CPS1: variants seen among roughly 807,000 people sequenced by gnomAD.
The protein encoded by CPS1 is carbamoyl-phosphate synthase [ammonia], mitochondrial.
A neutral mutation model predicts 174.6 loss-of-function variants in CPS1; 109 were observed. The ratio of observed to expected loss-of-function variants is 0.62; its 90% CI spans 0.53 to 0.73. The LOEUF (loss-of-function observed/expected upper bound fraction) is 0.73, where lower values mean the gene tolerates loss of function less well. CPS1 is among the 30% of genes least tolerant of loss of function. The pLI is 0.00. For synonymous variants in CPS1, 637 were observed against 632.0 expected (o/e 1.01, Z -0.12); for missense variants, 1,689 against 1,821.9 (o/e 0.93, Z 1.33).
intron 1 of CPS1, among the ~76,000 whole-genome samples, chr2:210,501,840 A>G (rs1215736980): frequency 6.6e-6 from 1 of 152,124 alleles, no homozygotes; most frequent in Non-Finnish European, 1.5e-5. Context: ...CCACATTTTC[A>G]GCTATCTTTA....
intron 7 of CPS1, 71 bp downstream of exon 7, chr2:210,588,218 G>A (rs1698170438): frequency 7.5e-7 from 1 of 1,339,446 alleles, no homozygotes; most frequent in Admixed American, 1.7e-5. Flanking sequence ...AATTTCCTCT[G>A]TCACAGAGAA....
At chr2:210,560,913 G>A (rs943411818) in intron 1 of CPS1, among the ~76,000 whole-genome samples, 2 of 152,036 alleles carry the variant, frequency 1.3e-5, no homozygotes, top group Non-Finnish European at 2.9e-5. Context: ...ATTTTAGGAC[G>A]GATTTCATCT....
At chr2:210,488,893 G>A (rs1467162964) in intron 1 of CPS1, among the ~76,000 whole-genome samples, 1 of 151,898 alleles carries the variant, frequency 6.6e-6, no homozygotes, top group Non-Finnish European at 1.5e-5. Flanking sequence ...AAAATCCTAA[G>A]TAAGTTTACT....
chr2:210,602,153 G>A, intron 15 of CPS1, 49 bp from the exon 16 acceptor site: 1 of 1,608,210 alleles, frequency 6.2e-7, no homozygotes, highest in Admixed American at 1.7e-5. Context: ...GGTCTGTTCT[G>A]CCAGTGTGCT....
intron 13 of CPS1, among the ~76,000 whole-genome samples, chr2:210,596,291 G>A (rs1698479672): frequency 6.6e-6 from 1 of 151,804 alleles, no homozygotes; most frequent in South Asian, 2.1e-4. Context: ...GGTACCCCTC[G>A]TTGTGCTAAT....
chr2:210,668,473 G>A lies in CPS1; in HGVS notation c.4101+189G>A, dbSNP rs184439645. Among the ~76,000 whole-genome samples the A allele has an allele frequency of 2.6e-5, 4 of 152,180 alleles. No individual in the cohort carries two copies. The East Asian group carries it at 5.8e-4, about 22-fold the overall frequency. Reference sequence around the variant, plus strand: ...ATTTTGCCTTCTGTTGTATCAGCCCGTGCAAAAATAAAATACAGACAGAAA... The same window carrying A: ...ATTTTGCCTTCTGTTGTATCAGCCCATGCAAAAATAAAATACAGACAGAAA... On this transcript the variant is annotated intron_variant, in intron 34 of 37. Coordinates refer to ENST00000233072, the MANE Select transcript of CPS1 (RefSeq NM_001875.5).
chr2:210,510,049 A>T (rs952202181), intron 1 of CPS1, among the ~76,000 whole-genome samples: 10 of 152,204 alleles, frequency 6.6e-5, no homozygotes, highest in African/African-American at 2.4e-4. Context: ...ATGGAACCAA[A>T]AAAGAGCCCG....
At position 210,678,190 on chromosome 2, in the gene CPS1, C is replaced by A; in HGVS notation, c.*205C>A. The A allele has an allele frequency of 1.6e-6, 1 of 634,760 alleles. No individual in the cohort carries two copies. The highest frequency in any genetic ancestry group is 1.8e-5 in the South Asian group (1 of 56,506). The allele number at this position is 634,760 out of a possible 1,614,324, so 39.3% of individuals were successfully genotyped here. On this transcript the variant is annotated 3_prime_UTR_variant, in exon 38 of 38. Coordinates refer to ENST00000233072, the MANE Select transcript of CPS1 (RefSeq NM_001875.5). ...TTACAGTCCTTCCTAAGTTACTCTT[C>A]ATGAGATTTCATCCATTTACTAATA... is the stretch of plus-strand genomic sequence containing the variant.
Position 210,497,905 on chromosome 2 carries a change from T to TGG in CPS1, c.3+20139_3+20140insGG, listed in dbSNP as rs2105959103. On this transcript the variant is annotated intron_variant, in intron 1 of 38. Transcript: ENST00000430249. The stretch of plus-strand genomic sequence containing the variant: ...CAATATATACATACATATATATATA[T>TGG]ATATATATATATATCTCCAGTAATG... Among the ~76,000 whole-genome samples, 3 of 137,248 alleles carry TGG rather than the reference T, an allele frequency of 2.2e-5. No homozygotes were observed. In the South Asian group the frequency reaches 7.0e-4, roughly 32 times the overall value. 90.0% of individuals were successfully genotyped at this position (137,248 alleles called of 152,430 possible). A position where few individuals can be genotyped will look rare whatever the true frequency, so the allele number is the denominator to read the frequency against.
chr2:210,493,431 C>T (rs1694918638), intron 1 of CPS1, among the ~76,000 whole-genome samples: 1 of 152,148 alleles, frequency 6.6e-6, no homozygotes, highest in Non-Finnish European at 1.5e-5. Context: ...CATCTTCCTC[C>T]AAGTCAGGTG....
rs1695545770 is a variant in CPS1, at chr2:210,512,867, T to TATATATGGAG, written c.3+35107_3+35108insGGAGATATAT. Among the ~76,000 whole-genome samples, 2 of 44,670 alleles carry TATATATGGAG rather than the reference T, an allele frequency of 4.5e-5. 1 individual carries two copies. Among genetic ancestry groups the TATATATGGAG allele is most frequent in the African/African-American group, 1.5e-4 (2 of 13,450 alleles). The allele number at this position is 44,670 out of a possible 152,430, so 29.3% of individuals were successfully genotyped here. On this transcript the variant is annotated intron_variant, in intron 1 of 38. Coordinates refer to the CPS1 transcript ENST00000430249. ...ATATGGAGATATATATATATAGATA[T>TATATATGGAG]ATATATATAGAGATATATATATGGA...
At position 210,512,986 on chromosome 2, in the gene CPS1, A is replaced by ATT. The variant is rs1382280069; in HGVS notation, c.3+35220_3+35221insTT. Among the ~76,000 whole-genome samples, 77 of 22,784 alleles carry ATT rather than the reference A, an allele frequency of 3.4e-3. 17 individuals are homozygous for ATT. The highest frequency in any genetic ancestry group is 6.3e-3 in the African/African-American group (74 of 11,770). The allele number at this position is 22,784 out of a possible 152,430, so 14.9% of individuals were successfully genotyped here. A position where few individuals can be genotyped will look rare whatever the true frequency, so the allele number is the denominator to read the frequency against. ...TATATGGAGATATATATATATGGAG[A>ATT]GATATATATATGGAGATATATATAT... On this transcript the variant is annotated intron_variant, in intron 1 of 38. Coordinates refer to the CPS1 transcript ENST00000430249.
At chr2:210,604,177 T>C (rs905569655) in intron 16 of CPS1, among the ~76,000 whole-genome samples, 6 of 151,884 alleles carry the variant, frequency 4.0e-5, no homozygotes, top group Non-Finnish European at 7.4e-5. Context: ...TGTCACATTT[T>C]CATTTGCACG....
At chr2:210,543,792 G>C (rs1185998254) in intron 1 of CPS1, among the ~76,000 whole-genome samples, 1 of 151,936 alleles carries the variant, frequency 6.6e-6, no homozygotes, top group Non-Finnish European at 1.5e-5. Context: ...GGGGTATCTG[G>C]TATGTAATAA....
chr2:210,556,583 G>A, upstream of CPS1: 1 of 1,486,354 alleles, frequency 6.7e-7, no homozygotes. Context: ...TTTAATGGCA[G>A]AATGAATGGA....
At chr2:210,577,392 C>T (rs370155547) in intron 3 of CPS1, 29 bp from the exon 4 acceptor site, 33 of 1,543,572 alleles carry the variant, frequency 2.1e-5, no homozygotes, top group Middle Eastern at 1.7e-4. Context: ...TTGTGATAAC[C>T]TCTTTAAAAT....
chr2:210,493,958 A>G (rs1239142082), intron 1 of CPS1, among the ~76,000 whole-genome samples: 3 of 152,204 alleles, frequency 2.0e-5, no homozygotes, highest in Non-Finnish European at 4.4e-5. Context: ...AGGGACATCC[A>G]TCATGGTGTC....
chr2:210,611,293 T>G (rs1454876006), intron 19 of CPS1, among the ~76,000 whole-genome samples: 3 of 151,998 alleles, frequency 2.0e-5, no homozygotes, highest in Non-Finnish European at 4.4e-5. Context: ...TGAGTCTATT[T>G]GAGGAATCAC....
chr2:210,676,998 T>C lies in CPS1; in HGVS notation c.4275-9T>C. 6.2e-7 allele frequency: 1 copy of C among 1,612,892 alleles called. No individual in the cohort carries two copies. The highest frequency in any genetic ancestry group is 8.5e-7 in the Non-Finnish European group (1 of 1,178,942). On this transcript the variant is annotated splice_polypyrimidine_tract_variant and intron_variant, in intron 36 of 37. Coordinates refer to ENST00000233072, the MANE Select transcript of CPS1 (RefSeq NM_001875.5). Reference sequence around the variant, plus strand: ...CTTGTTGTCTATAAGTTTTTGTTTATTTTTCCAGATTGATTAGAGATGGCA... The same window carrying C: ...CTTGTTGTCTATAAGTTTTTGTTTACTTTTCCAGATTGATTAGAGATGGCA...
Sources: allele counts gnomAD v4.1 joint callset (sites outside exome capture counted in the v4.1 genomes callset), GRCh38; gene constraint gnomAD v4.1.1; transcripts MANE v1.5; gene names NCBI Gene and HGNC (gene_info 2026-07-23, HGNC 2026-07-21).